The following SLC1A5 variants were observed in gnomAD, a reference collection of about 807,000 sequenced individuals.
SLC1A5 encodes neutral amino acid transporter B(0).
A neutral mutation model predicts 34.9 loss-of-function variants in SLC1A5; 25 were observed. That is an observed-to-expected ratio of 0.72 (90% CI 0.52 to 1.00). SLC1A5 has a LOEUF of 1.00. Among genes scored for constraint, SLC1A5 ranks in the 50% least tolerant of loss-of-function variants. The pLI is 0.00. For missense variants in SLC1A5, 637 were observed against 740.0 expected (o/e 0.86, Z 1.61); for synonymous variants, 351 against 341.2 (o/e 1.03, Z -0.32).
intron 5 of SLC1A5, 24 bp downstream of exon 5, chr19:46,778,651 C>T: frequency 2.8e-5 from 28 of 1,000,992 alleles, no homozygotes; most frequent in Non-Finnish European, 4.0e-5. Flanking sequence ...AAACATCCCA[C>T]CCTAGCCCAC....
chr19:46,782,346 A>AACCCCCCCCCCCCCCCCCCCCCCCCCC, intron 4 of SLC1A5, 37 bp downstream of exon 4: 3 of 567,978 alleles, frequency 5.3e-6, no homozygotes, highest in East Asian at 3.6e-5. Flanking sequence ...CGACCCTCCA[A>AACCCCCCCCCCCCCCCCCCCCCCCCCC]CCCCACCCAC....
At chr19:46,782,204 TCA>T (rs2055151146) in intron 4 of SLC1A5, among the ~76,000 whole-genome samples, 177 bp downstream of exon 4, 1 of 152,024 alleles carries the variant, frequency 6.6e-6, no homozygotes, top group East Asian at 1.9e-4. Flanking sequence ...AGAAGGAAAA[TCA>T]CTTGCCTAAA....
intron 4 of SLC1A5, 21 bp from the exon 5 acceptor site, chr19:46,778,929 C>T (rs2055122666): frequency 4.6e-6 from 7 of 1,516,910 alleles, no homozygotes; most frequent in Non-Finnish European, 5.3e-6. Context: ...ACACAGGAGA[C>T]AGCTTGTTGC....
chr19:46,783,774 G>C (rs1220184132), intron 3 of SLC1A5, among the ~76,000 whole-genome samples: 1 of 152,096 alleles, frequency 6.6e-6, no homozygotes, highest in Non-Finnish European at 1.5e-5. Flanking sequence ...ATGATGGAGA[G>C]AGATCCTGTG....
rs765008475 is a variant in SLC1A5 at position 46,778,904 on chromosome 19, C to A, written c.829G>T (p.Ala277Ser). ...MVLVSWIMWYAPVGIMFLVAG... is the reference protein window; with the variant it reads ...MVLVSWIMWYSPVGIMFLVAG... ...ACCAGGAACATGATGCCCACAGGGG[C>A]GTACCTGATCAGTAACACAGGAGAC... The change falls in exon 5 of 8, where the codon GCC (alanine) becomes TCC (serine). Residue 277 changes from alanine to serine, a missense_variant. Ala to Ser is a moderately conservative substitution (Grantham distance 99, BLOSUM62 1). Coordinates refer to ENST00000542575, the MANE Select transcript of SLC1A5 (RefSeq NM_005628.3). 1 of 1,556,612 alleles carries A rather than the reference C, an allele frequency of 6.4e-7. No homozygotes were observed. The highest frequency in any genetic ancestry group is 8.7e-7 in the Non-Finnish European group (1 of 1,151,300).
At position 46,787,359 on chromosome 19, in the gene SLC1A5, C is replaced by G. The variant is rs1451344256; in HGVS notation, c.566+41G>C. ...TGTCCACGTGACCACTCCCGCCATC[C>G]GTAACACTCTTCCCCACCTCCCGGG... On this transcript the variant is annotated intron_variant, in intron 1 of 7. Transcript: ENST00000542575. This position sits in a 1 kb window ranked among gnomAD's most constrained non-coding sequence, Gnocchi z 5.2. 4 of 1,559,008 alleles carry G rather than the reference C, an allele frequency of 2.6e-6. No homozygotes were observed. The African/African-American group carries it at 5.5e-5, about 21-fold the overall frequency.
At position 46,779,977 on chromosome 19, in the gene SLC1A5, C is replaced by G. The variant is rs1319308447; in HGVS notation, c.825-1069G>C. Among the ~76,000 whole-genome samples the G allele has an allele frequency of 2.6e-5, 4 of 151,752 alleles. No individual in the cohort carries two copies. The East Asian group carries it at 7.8e-4, about 30-fold the overall frequency. On this transcript the variant is annotated intron_variant, in intron 4 of 7. Transcript: ENST00000542575. Reference sequence around the variant, plus strand: ...AAGCGATTCTCCTGCCTCAGCCTCCCAAGTAGCTGGGACTATAGGCGCGTG... The same window carrying G: ...AAGCGATTCTCCTGCCTCAGCCTCCGAAGTAGCTGGGACTATAGGCGCGTG...
At chr19:46,785,447 CTTGACA>C (rs1420928793) in intron 1 of SLC1A5, among the ~76,000 whole-genome samples, 1 of 152,190 alleles carries the variant, frequency 6.6e-6, no homozygotes, top group Non-Finnish European at 1.5e-5. Context: ...TTGGCCTGTG[CTTGACA>C]CAAATTAACC....
chr19:46,782,579 A>C, intron 3 of SLC1A5, 30 bp from the exon 4 acceptor site: 1 of 1,612,470 alleles, frequency 6.2e-7, no homozygotes, highest in Non-Finnish European at 8.5e-7. Context: ...CGGGGTGGAA[A>C]GGACACTCAG....
intron 7 of SLC1A5, chr19:46,776,718 G>A: frequency 2.4e-6 from 1 of 415,634 alleles, no homozygotes; most frequent in Non-Finnish European, 4.3e-6. Context: ...GTTGGAGCTG[G>A]GATGTGAACC....
intron 4 of SLC1A5, among the ~76,000 whole-genome samples, chr19:46,780,478 TGAG>T (rs2055137307): frequency 6.6e-6 from 1 of 152,012 alleles, no homozygotes; most frequent in Admixed American, 6.6e-5. Flanking sequence ...CTCAGCCTCC[TGAG>T]TAGTAGCTAG....
At chr19:46,781,416 T>C (rs1370147186) in intron 4 of SLC1A5, among the ~76,000 whole-genome samples, 3 of 152,090 alleles carry the variant, frequency 2.0e-5, no homozygotes, top group South Asian at 2.1e-4. Context: ...CTGACCAACA[T>C]GGAGAAACCC....
chr19:46,784,124 C>G lies in SLC1A5; in HGVS notation c.630G>C (p.Glu210Asp), dbSNP rs1165196496. The G allele has an allele frequency of 6.2e-7, 1 of 1,613,614 alleles. No homozygotes were observed. Residue 210 changes from glutamate to aspartate, a missense_variant, in exon 3 of 8, where the codon GAG (glutamate) becomes GAC (aspartate). By Grantham distance (45) the Glu-to-Asp change is conservative. Coordinates refer to ENST00000542575, the MANE Select transcript of SLC1A5 (RefSeq NM_005628.3). ...AFRSYSTTYE[E>D]RNITGTRVKV... ...TCACCCTGGTTCCGGTGATATTCCT[C>G]TCTTCATAGGTGGTAGAGTACTGTA...
In SLC1A5 at chr19:46,775,520, G is replaced by C; in HGVS notation, c.1616C>G (p.Ser539Ter). 6.2e-7 allele frequency: 1 copy of C among 1,610,006 alleles called. No homozygotes were observed. Among genetic ancestry groups the C allele is most frequent in the Non-Finnish European group, 8.5e-7 (1 of 1,177,814 alleles). Reference protein sequence around the residue: ...GDATVASEKESVM With the variant: ...GDATVASEKE ...GGTCCCTCCCGGGGTTTACATGACT[G>C]ATTCCTTCTCAGAGGCGACCGTGGC... The change falls in exon 8 of 8, where the codon TCA (serine) becomes TGA (stop). Residue 539 changes from serine (S) to a stop codon, truncating the protein, a stop_gained. Transcript: ENST00000542575. LOFTEE classifies it high-confidence loss of function.
At chr19:46,784,459 CT>C (rs1320059695) in intron 2 of SLC1A5, 57 bp downstream of exon 2, 3 of 1,602,492 alleles carry the variant, frequency 1.9e-6, no homozygotes, top group African/African-American at 2.7e-5. Context: ...AGGGCTCCCC[CT>C]GGCTGGCATC....
At chr19:46,782,076 A>T (rs2055150231) in intron 4 of SLC1A5, among the ~76,000 whole-genome samples, 1 of 152,044 alleles carries the variant, frequency 6.6e-6, no homozygotes, top group Non-Finnish European at 1.5e-5. Context: ...TCGTATTTTT[A>T]GTAGAGATGG....
At chr19:46,781,880 C>A (rs1446458444) in intron 4 of SLC1A5, among the ~76,000 whole-genome samples, 3 of 152,114 alleles carry the variant, frequency 2.0e-5, no homozygotes, top group African/African-American at 4.8e-5. Context: ...TGTCCTAAGA[C>A]CTTCCGTGTA....
intron 4 of SLC1A5, among the ~76,000 whole-genome samples, chr19:46,780,653 C>T (rs1244464162): frequency 1.3e-5 from 2 of 151,592 alleles, no homozygotes; most frequent in Non-Finnish European, 2.9e-5. Flanking sequence ...GTACCACAAC[C>T]AGCCAAAACA....
In SLC1A5 at chr19:46,778,646, TCCCACCCTAG is replaced by T; in HGVS notation, c.1058+19_1058+28del. The T allele has an allele frequency of 8.1e-7, 1 of 1,235,844 alleles. No homozygotes were observed. The highest frequency in any genetic ancestry group is 1.2e-6 in the Non-Finnish European group (1 of 851,124). 76.6% of individuals were successfully genotyped at this position (1,235,844 alleles called of 1,614,324 possible). On this transcript the variant is annotated intron_variant, in intron 5 of 7. Transcript: ENST00000542575. The stretch of plus-strand genomic sequence containing the variant: ...TCCATGCCGCTTAGCGGATTAAACA[TCCCACCCTAG>T]CCCACCCCAAGGCCGTACCTGGAAG...
Sources: gnomAD v4.1 joint callset for allele counts (sites outside exome capture counted in the v4.1 genomes callset) on GRCh38, gnomAD v4.1.1 for gene constraint, Gnocchi (gnomAD v3.1) non-coding constraint, MANE v1.5 for transcripts, NCBI Gene and HGNC (gene_info 2026-07-23, HGNC 2026-07-21) for gene names.